Variants in RNF20 observed in about 807,000 individuals in gnomAD.
The protein encoded by RNF20 is E3 ubiquitin-protein ligase BRE1A.
RNF20 carries 84 observed loss-of-function variants against 126.2 expected under a neutral mutation model. The ratio of observed to expected loss-of-function variants is 0.67; its 90% CI spans 0.56 to 0.80. The LOEUF (loss-of-function observed/expected upper bound fraction) is 0.80. Ranked by LOEUF, RNF20 falls within the 30% of genes least tolerant of loss-of-function variation. The probability of loss-of-function intolerance (pLI) is 0.00; values close to 1 mark genes in which losing one functional copy is unlikely to be tolerated. For missense variants in RNF20, 869 were observed against 1,188.2 expected (o/e 0.73, Z 3.95); for synonymous variants, 400 against 414.3 (o/e 0.97, Z 0.42).
rs551813806 is a variant in RNF20 at position 101,554,360 on chromosome 9, A to G, written c.2019+255A>G. 4.6e-5 allele frequency among the ~76,000 whole-genome samples: 7 copies of G among 152,272 alleles called. No homozygotes were observed. In the East Asian group the frequency reaches 1.2e-3, roughly 25 times the overall value. ...ATTCCTTGTTTTTCCTATGTAATTC[A>G]TTGCTACAGGGATAATCTTTTTCAT... On this transcript the variant is annotated intron_variant, in intron 14 of 19. Transcript: ENST00000389120.
chr9:101,535,254 A>G, intron 1 of RNF20, 144 bp from the exon 2 acceptor site: 1 of 509,170 alleles, frequency 2.0e-6, no homozygotes, highest in Admixed American at 4.1e-5. Flanking sequence ...TTTTCCTCAA[A>G]GAGAAATATG....
Position 101,561,898 on chromosome 9 carries a change from A to G in RNF20, c.2650-12A>G, listed in dbSNP as rs1305376128. Reference sequence around the variant, plus strand: ...GGTAAGTGTGTCTAATGGGTATGCTATCCTGCCACAGGAGGACATCTCTAG... The same window carrying G: ...GGTAAGTGTGTCTAATGGGTATGCTGTCCTGCCACAGGAGGACATCTCTAG... On this transcript the variant is annotated splice_polypyrimidine_tract_variant and intron_variant, in intron 18 of 19. Transcript: ENST00000389120. 1.3e-5 allele frequency: 21 copies of G among 1,579,950 alleles called. No individual in the cohort carries two copies. The highest frequency in any genetic ancestry group is 1.7e-5 in the Non-Finnish European group (20 of 1,149,100).
chr9:101,540,407 A>G (rs1205274063), intron 3 of RNF20, 37 bp downstream of exon 3: 5 of 1,612,964 alleles, frequency 3.1e-6, no homozygotes, highest in Non-Finnish European at 3.4e-6. Flanking sequence ...TTTTTATTTG[A>G]CCAATTTAGT....
intron 5 of RNF20, among the ~76,000 whole-genome samples, chr9:101,543,326 C>T (rs920877639): frequency 5.4e-5 from 8 of 148,390 alleles, no homozygotes; most frequent in Non-Finnish European, 1.2e-4. Context: ...CCTTCCAGGG[C>T]GGCACTGTCT....
chr9:101,559,931 G>A (rs1827599115), intron 16 of RNF20, among the ~76,000 whole-genome samples: 1 of 152,126 alleles, frequency 6.6e-6, no homozygotes, highest in Non-Finnish European at 1.5e-5. Context: ...AGGACTTCCA[G>A]TGCCATGTTG....
chr9:101,537,091 T>C (rs986743821), intron 2 of RNF20, among the ~76,000 whole-genome samples: 1 of 152,140 alleles, frequency 6.6e-6, no homozygotes, highest in East Asian at 1.9e-4. Flanking sequence ...AAACTGAGTC[T>C]CCAAAGTGTG....
Position 101,554,099 on chromosome 9 carries a change from G to A in RNF20, c.2013G>A (p.Lys671=), listed in dbSNP as rs1285524717. 1.3e-6 allele frequency: 2 copies of A among 1,590,046 alleles called. No individual in the cohort carries two copies. Among genetic ancestry groups the A allele is most frequent in the East Asian group, 2.2e-5 (1 of 44,728 alleles). ...TGATGGCAGCTGAGAAGAAGTCTAA[G>A]GCAGAGGTATTCTAGTCTGCTATTA... The part of the protein sequence containing the change: ...VQLMAAEKKS[K]AELEDLRQRL... Residue 671 remains lysine, a synonymous_variant, in exon 14 of 20, where the codon AAG becomes AAA. Transcript: ENST00000389120.
intron 2 of RNF20, among the ~76,000 whole-genome samples, chr9:101,536,722 G>A (rs1206954348): frequency 6.6e-6 from 1 of 152,196 alleles, no homozygotes; most frequent in Non-Finnish European, 1.5e-5. Context: ...AGTGGGGTAT[G>A]TGCTGTTGAC....
chr9:101,540,774 T>C lies in RNF20; in HGVS notation c.446-19T>C. ...TTTATAATTTTGGGGGGCTTCTTTT[T>C]TTCCCCCTGTGTCCTCAGGGGAAGG... On this transcript the variant is annotated intron_variant, in intron 4 of 19. Transcript: ENST00000389120. 1.3e-6 allele frequency: 2 copies of C among 1,594,418 alleles called. No individual in the cohort carries two copies. Among genetic ancestry groups the C allele is most frequent in the Non-Finnish European group, 1.7e-6 (2 of 1,173,692 alleles).
Position 101,535,400 on chromosome 9 carries a change from A to G in RNF20, c.-24A>G. Reference sequence around the variant, plus strand: ...GTTTCTGCCTTTTTTTCTATCAGGAAAACGACTGTCTTCTTCTGCCAAAAT... The same window carrying G: ...GTTTCTGCCTTTTTTTCTATCAGGAGAACGACTGTCTTCTTCTGCCAAAAT... On this transcript the variant is annotated splice_region_variant and 5_prime_UTR_variant, in exon 2 of 20. Transcript: ENST00000389120. The G allele has an allele frequency of 6.2e-7, 1 of 1,607,260 alleles. No individual in the cohort carries two copies. The highest frequency in any genetic ancestry group is 1.1e-5 in the South Asian group (1 of 89,790).
chr9:101,553,534 G>C (rs1827482575), intron 13 of RNF20, among the ~76,000 whole-genome samples: 1 of 151,976 alleles, frequency 6.6e-6, no homozygotes, highest in South Asian at 2.1e-4. Flanking sequence ...GTATATCTCA[G>C]ACTTTCAAAT....
chr9:101,550,691 A>T lies in RNF20; in HGVS notation c.1178A>T (p.Asn393Ile), dbSNP rs1335621659. ...CAGTCACAGTTCTCCGTCTTGTATA[A>T]TGAGAGCCTACAGTTGAAAGCACAC... The part of the protein sequence containing the change: ...CMQSQFSVLY[N>I]ESLQLKAHLD... Residue 393 changes from asparagine (N) to isoleucine (I), a missense_variant, in exon 10 of 20, where the codon AAT (asparagine) becomes ATT (isoleucine). By Grantham distance (149) the Asn-to-Ile change is moderately radical. Coordinates refer to ENST00000389120, the MANE Select transcript of RNF20 (RefSeq NM_019592.7). 1 of 1,614,158 alleles carries T rather than the reference A, an allele frequency of 6.2e-7. No individual in the cohort carries two copies. The highest frequency in any genetic ancestry group is 8.5e-7 in the Non-Finnish European group (1 of 1,180,016).
chr9:101,553,328 C>T (rs542927199), intron 13 of RNF20, among the ~76,000 whole-genome samples: 34 of 152,274 alleles, frequency 2.2e-4, no homozygotes, highest in African/African-American at 4.8e-4. Flanking sequence ...TCTGGCAGAA[C>T]GGCTTACTTC....
Position 101,555,645 on chromosome 9 carries a change from C to G in RNF20, c.2169+802C>G, listed in dbSNP as rs369076864. Among the ~76,000 whole-genome samples, 23 of 152,176 alleles carry G rather than the reference C, an allele frequency of 1.5e-4. No individual in the cohort carries two copies. In the East Asian group the frequency reaches 2.7e-3, roughly 18 times the overall value. On this transcript the variant is annotated intron_variant, in intron 15 of 19. Coordinates refer to ENST00000389120, the MANE Select transcript of RNF20 (RefSeq NM_019592.7). ...AACTTCATTAGATCCTATACACATTCCTTTTGTTAACAAGTGTAATTTTGG... is the reference window on the plus strand; with the variant it reads ...AACTTCATTAGATCCTATACACATTGCTTTTGTTAACAAGTGTAATTTTGG...
rs951927491 is a variant in RNF20 at position 101,540,505 on chromosome 9, C to T, written c.313C>T (p.Arg105Cys). 3.1e-6 allele frequency: 5 copies of T among 1,613,844 alleles called. No homozygotes were observed. Among genetic ancestry groups the T allele is most frequent in the East Asian group, 2.2e-5 (1 of 44,880 alleles). Residue 105 changes from arginine (R) to cysteine (C), a missense_variant, in exon 4 of 20, where the codon CGT becomes TGT. By Grantham distance (180) the Arg-to-Cys change is radical. This residue lies in a region of RNF20 where 157 missense variants were observed against 236.0 expected (regional missense o/e 0.67). Coordinates refer to ENST00000389120, the MANE Select transcript of RNF20 (RefSeq NM_019592.7). The stretch of plus-strand genomic sequence containing the variant: ...CCTTCTCCAGTTTGATGAAAACATC[C>T]GTATCATCCTTAAACGTTATGATCT... The part of the protein sequence containing the change: ...RYWSQFDENI[R>C]IILKRYDLEQ...
intron 16 of RNF20, 125 bp downstream of exon 16, chr9:101,557,721 TTCA>T (rs1186521701): frequency 1.5e-6 from 1 of 660,932 alleles, no homozygotes; most frequent in African/African-American, 1.8e-5. Flanking sequence ...AAACTAAATG[TTCA>T]TCATTAGGGT....
At chr9:101,551,561 T>G (rs1006838491) in intron 10 of RNF20, 123 bp from the exon 11 acceptor site, 1 of 703,352 alleles carries the variant, frequency 1.4e-6, no homozygotes, top group Middle Eastern at 4.4e-4. Context: ...ATTAGTCTTT[T>G]GTAGATATCT....
intron 2 of RNF20, among the ~76,000 whole-genome samples, chr9:101,538,186 A>G (rs1274581113): frequency 1.3e-5 from 2 of 152,208 alleles, no homozygotes; most frequent in East Asian, 3.8e-4. Flanking sequence ...ACATGTAGGT[A>G]CAAGTAAGAC....
chr9:101,551,079 G>A (rs1281004277), intron 10 of RNF20, among the ~76,000 whole-genome samples: 1 of 152,178 alleles, frequency 6.6e-6, no homozygotes, highest in African/African-American at 2.4e-5. Context: ...TGATTTGACT[G>A]TGGAAGTTTC....
Sources: gnomAD v4.1 joint callset for allele counts (sites outside exome capture counted in the v4.1 genomes callset) on GRCh38, gnomAD v4.1.1 for gene constraint, gnomAD v4.1.1 regional missense constraint, MANE v1.5 for transcripts, NCBI Gene and HGNC (gene_info 2026-07-23, HGNC 2026-07-21) for gene names.